Variants in RIT2 observed in about 807,000 individuals in gnomAD.
RIT2 encodes GTP-binding protein Rit2.
A neutral mutation model predicts 23.7 loss-of-function variants in RIT2; 24 were observed. The ratio of observed to expected loss-of-function variants is 1.01; its 90% confidence interval spans 0.73 to 1.43. The LOEUF is 1.43. Ranked by LOEUF, RIT2 falls within the 40% of genes most tolerant of loss-of-function variation. RIT2 has a pLI of 0.00. For synonymous variants in RIT2, 107 were observed against 91.1 expected (o/e 1.17, Z -0.99); for missense variants, 236 against 266.9 (o/e 0.88, Z 0.81).
At chr18:42,905,085 A>G (rs939452496) in intron 4 of RIT2, among the ~76,000 whole-genome samples, 23 of 152,178 alleles carry the variant, frequency 1.5e-4, no homozygotes, top group African/African-American at 4.6e-4. Flanking sequence ...TTTCCCTTCA[A>G]GCCATGTCTA....
Position 42,804,629 on chromosome 18 carries a change from C to T in RIT2, c.427-60909G>A, listed in dbSNP as rs1905631917. ...TAAAGATAAATGCATTCTAGGTATCCCCAAGGGTTTTTCCATATTAAACAC... is the reference window on the plus strand; with the variant it reads ...TAAAGATAAATGCATTCTAGGTATCTCCAAGGGTTTTTCCATATTAAACAC... On this transcript the variant is annotated intron_variant, in intron 4 of 4. Coordinates refer to ENST00000326695, the MANE Select transcript of RIT2 (RefSeq NM_002930.4). Among the ~76,000 whole-genome samples the T allele has an allele frequency of 2.0e-5, 3 of 150,986 alleles. No individual in the cohort carries two copies. The South Asian group carries it at 6.4e-4, about 32-fold the overall frequency.
intron 3 of RIT2, among the ~76,000 whole-genome samples, chr18:42,947,149 G>C (rs1909747483): frequency 6.6e-6 from 1 of 152,052 alleles, no homozygotes; most frequent in South Asian, 2.1e-4. Context: ...CAAGCATTTA[G>C]ACATATGGAT....
At chr18:42,887,953 A>C (rs1908066561) in intron 4 of RIT2, among the ~76,000 whole-genome samples, 2 of 152,284 alleles carry the variant, frequency 1.3e-5, no homozygotes, top group Admixed American at 1.3e-4. Context: ...CATTCTAGAA[A>C]AGGTAAAACT....
chr18:42,779,483 T>C (rs1913755570), intron 4 of RIT2, among the ~76,000 whole-genome samples: 1 of 152,210 alleles, frequency 6.6e-6, no homozygotes, highest in African/African-American at 2.4e-5. Context: ...CCCAGCTTTT[T>C]TTGCAGGGGG....
intron 1 of RIT2, among the ~76,000 whole-genome samples, chr18:43,114,055 T>C (rs1413370212): frequency 2.6e-5 from 4 of 152,152 alleles, no homozygotes; most frequent in African/African-American, 9.7e-5. Flanking sequence ...TCCTAACCTA[T>C]TTTGATTCCT....
At chr18:42,767,218 C>T (rs1913445050) in intron 4 of RIT2, among the ~76,000 whole-genome samples, 4 of 152,196 alleles carry the variant, frequency 2.6e-5, no homozygotes, top group Non-Finnish European at 5.9e-5. Context: ...AGACACTCAA[C>T]ACCAGCCCAT....
At chr18:42,915,111 C>A (rs1253255887) in intron 4 of RIT2, among the ~76,000 whole-genome samples, 1 of 150,926 alleles carries the variant, frequency 6.6e-6, no homozygotes, top group African/African-American at 2.4e-5. Flanking sequence ...ACAGTATTGT[C>A]TTGAATTATC....
intron 4 of RIT2, among the ~76,000 whole-genome samples, chr18:42,747,723 A>C (rs1912951494): frequency 6.6e-6 from 1 of 152,088 alleles, no homozygotes; most frequent in Non-Finnish European, 1.5e-5. Flanking sequence ...GAGAACCCAG[A>C]AATAAAGCCA....
chr18:42,966,912 C>T (rs901675011), intron 3 of RIT2, among the ~76,000 whole-genome samples: 2 of 151,718 alleles, frequency 1.3e-5, no homozygotes, highest in South Asian at 2.1e-4. Flanking sequence ...ACAACTGTAC[C>T]GTAGTTATGG....
intron 1 of RIT2, among the ~76,000 whole-genome samples, chr18:43,099,744 T>C (rs539408493): frequency 6.6e-6 from 1 of 152,010 alleles, no homozygotes; most frequent in African/African-American, 2.4e-5. Context: ...TCTTGCAGGG[T>C]TTTTTTCTGA....
intron 4 of RIT2, among the ~76,000 whole-genome samples, chr18:42,797,298 G>A (rs902534947): frequency 6.6e-6 from 1 of 152,084 alleles, no homozygotes; most frequent in Non-Finnish European, 1.5e-5. Flanking sequence ...GTACTGAAAA[G>A]GAGGACAAGA....
At chr18:42,940,236 CTATATATATATATATATATATATA>C (rs5824460) in intron 3 of RIT2, among the ~76,000 whole-genome samples, 1 of 86,992 alleles carries the variant, frequency 1.1e-5, no homozygotes, top group Non-Finnish European at 2.2e-5. Flanking sequence ...GAAAGGCTCA[CTATATATATATATATATATATATA>C]TATATATATG....
chr18:42,973,230 A>G (rs1271504688), intron 3 of RIT2, among the ~76,000 whole-genome samples: 1 of 151,690 alleles, frequency 6.6e-6, no homozygotes, highest in African/African-American at 2.4e-5. Context: ...ATTTTAGGAC[A>G]GAGAGATTTA....
At chr18:43,020,755 T>C (rs1057059250) in intron 2 of RIT2, among the ~76,000 whole-genome samples, 1 of 152,014 alleles carries the variant, frequency 6.6e-6, no homozygotes, top group African/African-American at 2.4e-5. Context: ...AGAACATGCA[T>C]TGGGAAAAAG....
intron 2 of RIT2, among the ~76,000 whole-genome samples, chr18:43,019,435 TTA>T (rs1911546997): frequency 6.6e-6 from 1 of 151,856 alleles, no homozygotes; most frequent in African/African-American, 2.4e-5. Context: ...AGGAGAAAAA[TTA>T]TATGATTATC....
chr18:43,015,636 T>G lies in RIT2; in HGVS notation c.160+18175A>C, dbSNP rs141009951. On this transcript the variant is annotated intron_variant, in intron 2 of 4. Transcript: ENST00000326695. ...TTACTTGACTGTGAGAAGGTGAGAG[T>G]CTAGGATTAATTAAGCCTTGAAAAA... Among the ~76,000 whole-genome samples the G allele has an allele frequency of 3.8e-4, 58 of 151,468 alleles. No individual in the cohort carries two copies. The East Asian group carries it at 0.011, about 28-fold the overall frequency.
At chr18:43,105,300 A>C (rs1913786733) in intron 1 of RIT2, among the ~76,000 whole-genome samples, 2 of 152,130 alleles carry the variant, frequency 1.3e-5, no homozygotes, top group Non-Finnish European at 2.9e-5. Flanking sequence ...CAAGAACAAG[A>C]ATAGAGCAGG....
At chr18:42,925,079 A>G (rs1160690508) in intron 3 of RIT2, among the ~76,000 whole-genome samples, 1 of 152,132 alleles carries the variant, frequency 6.6e-6, no homozygotes, top group Non-Finnish European at 1.5e-5. Flanking sequence ...GCAACATGAT[A>G]TAGAGTTGGG....
chr18:43,007,751 G>C (rs1454711933), intron 2 of RIT2, among the ~76,000 whole-genome samples: 1 of 151,630 alleles, frequency 6.6e-6, no homozygotes, highest in Non-Finnish European at 1.5e-5. Flanking sequence ...GTTACTTTCG[G>C]AAAATACTAG....
Sources: gnomAD v4.1 joint callset for allele counts (sites outside exome capture counted in the v4.1 genomes callset) on GRCh38, gnomAD v4.1.1 for gene constraint, MANE v1.5 for transcripts, NCBI Gene and HGNC (gene_info 2026-07-23, HGNC 2026-07-21) for gene names.